Variants in PPP2R2B observed in about 807,000 individuals in gnomAD.
The protein encoded by PPP2R2B is protein phosphatase 2 regulatory subunit Bbeta, also known as serine/threonine-protein phosphatase 2A 55 kDa regulatory subunit B beta isoform.
A neutral mutation model predicts 46.0 loss-of-function variants in PPP2R2B; 5 were observed. The observed-to-expected ratio is 0.11, with a 90% CI of 0.06 to 0.23. The LOEUF (loss-of-function observed/expected upper bound fraction) is 0.23, where lower values mean the gene tolerates loss of function less well. Ranked by LOEUF, PPP2R2B falls within the 10% of genes least tolerant of loss-of-function variation. The pLI, the probability that PPP2R2B is intolerant of heterozygous loss-of-function variation, is 1.00. For missense variants in PPP2R2B, 367 were observed against 575.0 expected (o/e 0.64, Z 3.70); for synonymous variants, 215 against 206.7 (o/e 1.04, Z -0.34).
At chr5:146,771,846 C>A (rs1754876540) in intron 2 of PPP2R2B, among the ~76,000 whole-genome samples, 1 of 152,126 alleles carries the variant, frequency 6.6e-6, no homozygotes, top group Non-Finnish European at 1.5e-5. Flanking sequence ...TACCCAATAT[C>A]CTGGCCCATA....
chr5:147,065,849 G>C (rs568498465), intron 2 of PPP2R2B, among the ~76,000 whole-genome samples: 1 of 152,162 alleles, frequency 6.6e-6, no homozygotes, highest in South Asian at 2.1e-4. Context: ...AAATGAAAGA[G>C]TTTATGGGGT....
chr5:147,034,418 C>A (rs1039914313), intron 1 of PPP2R2B, among the ~76,000 whole-genome samples: 1 of 152,036 alleles, frequency 6.6e-6, no homozygotes, highest in African/African-American at 2.4e-5. Flanking sequence ...AATAGTGACC[C>A]ATAATAAAAT....
chr5:146,656,863 C>G (rs1158734971), intron 5 of PPP2R2B, among the ~76,000 whole-genome samples: 1 of 152,146 alleles, frequency 6.6e-6, no homozygotes, highest in Non-Finnish European at 1.5e-5. Flanking sequence ...ACTCTATCCT[C>G]CCTCACCATT....
intron 1 of PPP2R2B, among the ~76,000 whole-genome samples, chr5:146,958,247 T>A (rs1274773094): frequency 6.6e-6 from 1 of 152,160 alleles, no homozygotes; most frequent in East Asian, 1.9e-4. Flanking sequence ...GCTGCCACTG[T>A]CTCTAGCCCT....
chr5:146,983,852 T>C (rs1753301956), intron 1 of PPP2R2B, among the ~76,000 whole-genome samples: 1 of 152,028 alleles, frequency 6.6e-6, no homozygotes, highest in Non-Finnish European at 1.5e-5. Flanking sequence ...GAGGATTTCT[T>C]TTAATCATTC....
chr5:146,945,044 T>G (rs189245325), intron 1 of PPP2R2B, among the ~76,000 whole-genome samples: 12 of 152,302 alleles, frequency 7.9e-5, no homozygotes, highest in Non-Finnish European at 1.6e-4. Flanking sequence ...TGACTTCTAG[T>G]ATACGTTAGC....
chr5:146,903,162 T>C (rs1561507446), intron 1 of PPP2R2B, among the ~76,000 whole-genome samples: 1 of 152,308 alleles, frequency 6.6e-6, no homozygotes, highest in East Asian at 1.9e-4. Flanking sequence ...TAATTTTTCA[T>C]AAAAGCATGC....
intron 1 of PPP2R2B, among the ~76,000 whole-genome samples, chr5:146,971,269 GT>G (rs1752650154): frequency 6.6e-6 from 1 of 152,160 alleles, no homozygotes; most frequent in Admixed American, 6.5e-5. Context: ...ATATTCCAGT[GT>G]TTCTCCCTGG....
At chr5:146,881,666 C>G (rs906782436), upstream of PPP2R2B, among the ~76,000 whole-genome samples, 1 of 152,160 alleles carries the variant, frequency 6.6e-6, no homozygotes, top group African/African-American at 2.4e-5. Context: ...CCTGACTGGG[C>G]CTTCCAAAGT....
intron 1 of PPP2R2B, among the ~76,000 whole-genome samples, chr5:147,046,254 C>T (rs1756538350): frequency 6.6e-6 from 1 of 152,128 alleles, no homozygotes; most frequent in South Asian, 2.1e-4. Context: ...AATTTGCTCC[C>T]AAAATTTCCC....
chr5:146,887,506 A>T (rs1258360400), intron 1 of PPP2R2B, among the ~76,000 whole-genome samples: 3 of 152,222 alleles, frequency 2.0e-5, no homozygotes, highest in African/African-American at 7.2e-5. Context: ...CTATATATAT[A>T]TATTATGCAG....
At chr5:146,593,819 A>T (rs1770904527) in intron 8 of PPP2R2B, among the ~76,000 whole-genome samples, 1 of 152,214 alleles carries the variant, frequency 6.6e-6, no homozygotes, top group Non-Finnish European at 1.5e-5. Flanking sequence ...TAGGCCCTTT[A>T]TTCTGAGGAA....
At position 146,906,612 on chromosome 5, in the gene PPP2R2B, G is replaced by A. The variant is rs144389408; in HGVS notation, c.79+149053C>T. 6.6e-3 allele frequency among the ~76,000 whole-genome samples: 1,002 copies of A among 152,280 alleles called. 11 individuals carry two copies. The highest frequency in any genetic ancestry group is 0.023 in the African/African-American group (942 of 41,540). On this transcript the variant is annotated intron_variant, in intron 1 of 8. Transcript: ENST00000336640. ...GCTGGGATTACAGGCGTGAGCCACCGCACCTGGCCTTTTTCTTTTATTTTT... is the reference window on the plus strand; with the variant it reads ...GCTGGGATTACAGGCGTGAGCCACCACACCTGGCCTTTTTCTTTTATTTTT...
intron 7 of PPP2R2B, among the ~76,000 whole-genome samples, chr5:146,620,835 C>A (rs750515829): frequency 2.0e-5 from 3 of 152,188 alleles, no homozygotes; most frequent in Non-Finnish European, 4.4e-5. Flanking sequence ...CCCGAACTCC[C>A]TGGGGAGCCT....
intron 2 of PPP2R2B, among the ~76,000 whole-genome samples, chr5:146,717,163 T>C (rs547019414): frequency 1.3e-5 from 2 of 152,368 alleles, no homozygotes; most frequent in Admixed American, 6.5e-5. Flanking sequence ...TATAGGCTTA[T>C]AGCCTGGGAC....
intron 7 of PPP2R2B, among the ~76,000 whole-genome samples, chr5:146,602,124 T>G (rs536014993): frequency 6.6e-6 from 1 of 152,324 alleles, no homozygotes; most frequent in Non-Finnish European, 1.5e-5. Context: ...TGATCTTTTC[T>G]TTTCTCTGAA....
chr5:146,790,542 G>A (rs528922806), intron 2 of PPP2R2B, among the ~76,000 whole-genome samples: 11 of 152,260 alleles, frequency 7.2e-5, no homozygotes, highest in Non-Finnish European at 1.2e-4. Context: ...CGCCAGCAAG[G>A]CAACAGAGAT....
chr5:146,669,925 A>T (rs1445933151), intron 5 of PPP2R2B, among the ~76,000 whole-genome samples: 2 of 152,242 alleles, frequency 1.3e-5, no homozygotes, highest in Non-Finnish European at 2.9e-5. Context: ...TTTATGGATT[A>T]TCTAGATCTT....
upstream of PPP2R2B, chr5:146,878,782 C>T (rs975063450): frequency 8.2e-7 from 1 of 1,221,154 alleles, no homozygotes; most frequent in African/African-American, 1.7e-5. The surrounding 1 kb of genome is among the most constrained non-coding windows in gnomAD (Gnocchi z 4.5). Context: ...GCGGCTGGTG[C>T]ATTAAAGGCG....
Sources: allele counts gnomAD v4.1 joint callset (sites outside exome capture counted in the v4.1 genomes callset), GRCh38; gene constraint gnomAD v4.1.1; non-coding constraint Gnocchi (gnomAD v3.1); transcripts MANE v1.5; gene names NCBI Gene and HGNC (gene_info 2026-07-23, HGNC 2026-07-21).